KNTC1: variants seen among roughly 807,000 people sequenced by gnomAD.
KNTC1 encodes the protein kinetochore-associated protein 1.
In KNTC1, 253 loss-of-function variants were observed where a neutral mutation model predicts 314.4. The ratio of observed to expected loss-of-function variants is 0.80; its 90% CI spans 0.73 to 0.89. The LOEUF is 0.89. Ranked by LOEUF, KNTC1 falls within the 40% of genes least tolerant of loss-of-function variation. The pLI, the probability that KNTC1 is intolerant of heterozygous loss-of-function variation, is 0.00. For synonymous variants in KNTC1, 901 were observed against 901.4 expected (o/e 1.00, Z 0.01); for missense variants, 2,475 against 2,572.9 (o/e 0.96, Z 0.82).
At position 122,584,283 on chromosome 12, in the gene KNTC1, T is replaced by G; in HGVS notation, c.3269T>G (p.Leu1090Trp). The G allele has an allele frequency of 1.9e-6, 3 of 1,604,538 alleles. No homozygotes were observed. The highest frequency in any genetic ancestry group is 2.6e-6 in the Non-Finnish European group (3 of 1,174,310). ...IKTALKKCSD[L>W]FKYHCNADTG... Reference sequence around the variant, plus strand: ...ATACTTTCTTTCTTCCAAAGCGACTTGTTTAAGTATCACTGCAATGCTGAC... The same window carrying G: ...ATACTTTCTTTCTTCCAAAGCGACTGGTTTAAGTATCACTGCAATGCTGAC... The change falls in exon 35 of 64, where the codon TTG (leucine) becomes TGG (tryptophan). Residue 1090 changes from leucine to tryptophan, a missense_variant. By Grantham distance (61) the Leu-to-Trp change is moderately conservative. Coordinates refer to ENST00000333479, the MANE Select transcript of KNTC1 (RefSeq NM_014708.6).
intron 34 of KNTC1, among the ~76,000 whole-genome samples, chr12:122,583,938 CAT>C (rs1448769660): frequency 6.6e-6 from 1 of 152,128 alleles, no homozygotes; most frequent in Non-Finnish European, 1.5e-5. Context: ...GCCTGGGCAA[CAT>C]AGTGAGAGCT....
chr12:122,581,092 C>T (rs1173650103), intron 33 of KNTC1, among the ~76,000 whole-genome samples: 5 of 150,416 alleles, frequency 3.3e-5, no homozygotes, highest in Admixed American at 2.6e-4. Flanking sequence ...TTTTCCTTCT[C>T]TCTCTCTCTC....
chr12:122,587,118 T>C (rs1031289088), intron 38 of KNTC1, among the ~76,000 whole-genome samples: 2 of 152,150 alleles, frequency 1.3e-5, no homozygotes, highest in Non-Finnish European at 2.9e-5. Context: ...CGTCTGGCCT[T>C]AAGATTTCTT....
chr12:122,604,842 G>GT (rs764241076), intron 49 of KNTC1, 35 bp from the exon 50 acceptor site: 11 of 1,561,486 alleles, frequency 7.0e-6, no homozygotes, highest in Non-Finnish European at 9.6e-6. Flanking sequence ...GGCTTACAAA[G>GT]TAAGATTTTC....
At chr12:122,541,602 CCCAAAGTGTT>C (rs766148796) in intron 5 of KNTC1, among the ~76,000 whole-genome samples, 3 of 151,808 alleles carry the variant, frequency 2.0e-5, no homozygotes, top group Non-Finnish European at 4.4e-5. Flanking sequence ...GCCTTGGCCT[CCCAAAGTGTT>C]GGCATTACAG....
At chr12:122,591,505 A>T in intron 42 of KNTC1, 52 bp downstream of exon 42, 1 of 943,110 alleles carries the variant, frequency 1.1e-6, no homozygotes. Flanking sequence ...CCCGGTTGGA[A>T]AATTTAAAAC....
At chr12:122,547,815 G>A (rs1024682816) in intron 11 of KNTC1, 100 bp from the exon 12 acceptor site, 12 of 677,928 alleles carry the variant, frequency 1.8e-5, no homozygotes, top group Non-Finnish European at 2.4e-5. Flanking sequence ...TTTATATCTT[G>A]TAATTGGCAA....
chr12:122,610,985 T>C, intron 53 of KNTC1, 85 bp downstream of exon 53: 1 of 940,648 alleles, frequency 1.1e-6, no homozygotes, highest in Non-Finnish European at 1.7e-6. Context: ...CTTGATTGCA[T>C]TAACAGATGA....
intron 48 of KNTC1, among the ~76,000 whole-genome samples, chr12:122,604,266 C>T (rs1351414467): frequency 1.3e-5 from 2 of 150,100 alleles, no homozygotes; most frequent in African/African-American, 4.9e-5. Context: ...TCTGCCTCAG[C>T]CTCTCGAGTA....
chr12:122,616,367 A>G (rs138753072), intron 57 of KNTC1, among the ~76,000 whole-genome samples: 2 of 150,376 alleles, frequency 1.3e-5, no homozygotes, highest in African/African-American at 4.9e-5. Flanking sequence ...GGTTCACGCT[A>G]TTCTCCTGCC....
intron 12 of KNTC1, among the ~76,000 whole-genome samples, chr12:122,549,307 T>C: frequency 6.6e-6 from 1 of 152,184 alleles, no homozygotes; most frequent in East Asian, 1.9e-4. Context: ...TCCGCCTGCC[T>C]CGGCCTCCCA....
At chr12:122,578,108 A>G (rs181607315) in intron 31 of KNTC1, among the ~76,000 whole-genome samples, 7 of 152,332 alleles carry the variant, frequency 4.6e-5, no homozygotes, top group Admixed American at 4.6e-4. Context: ...GGACATAATT[A>G]TTGTCAAATA....
rs748916698 is a variant in KNTC1 at position 122,534,659 on chromosome 12, C to T, written c.130-5C>T. ...GAATTTTCATCATGCTTTTCTCTCC[C>T]ACAGGCCTCATTAAATCCAAAGATA... On this transcript the variant is annotated splice_region_variant and splice_polypyrimidine_tract_variant and intron_variant, in intron 2 of 63. Transcript: ENST00000333479. The T allele has an allele frequency of 1.7e-5, 28 of 1,603,476 alleles. No individual in the cohort carries two copies. The South Asian group carries it at 2.9e-4, about 17-fold the overall frequency.
chr12:122,601,854 A>C (rs945858001), intron 45 of KNTC1: 63 of 356,448 alleles, frequency 1.8e-4, no homozygotes, highest in Non-Finnish European at 2.8e-4. Flanking sequence ...TTTTGAGGTG[A>C]TTTAAATAAC....
At chr12:122,615,673 A>G (rs528505590) in intron 57 of KNTC1, 147 bp downstream of exon 57, 449 of 704,230 alleles carry the variant, frequency 6.4e-4, no homozygotes, top group South Asian at 2.6e-3. Context: ...TGTAACCCCA[A>G]CGCTTTGGGA....
At chr12:122,585,557 C>T in intron 36 of KNTC1, 79 bp from the exon 37 acceptor site, 1 of 1,463,560 alleles carries the variant, frequency 6.8e-7, no homozygotes, top group Admixed American at 2.1e-5. Flanking sequence ...AATGAAATTT[C>T]TATAAGCCAT....
Position 122,604,857 on chromosome 12 carries a change from T to G in KNTC1, c.5176-20T>G. The G allele has an allele frequency of 2.5e-6, 4 of 1,578,180 alleles. No individual in the cohort carries two copies. Among genetic ancestry groups the G allele is most frequent in the Non-Finnish European group, 3.4e-6 (4 of 1,161,132 alleles). ...GGCTTACAAAGTAAGATTTTCTTTT[T>G]GCTTGGAATTGTTTAAAAGGACGAA... On this transcript the variant is annotated intron_variant, in intron 49 of 63. Transcript: ENST00000333479.
In KNTC1 at chr12:122,541,964, G is replaced by A. The variant is rs112539586; in HGVS notation, c.446-86G>A. 6,500 of 1,328,698 alleles carry A rather than the reference G, an allele frequency of 4.9e-3. 198 individuals carry two copies. The African/African-American group carries it at 0.074, about 15-fold the overall frequency. 82.3% of individuals were successfully genotyped at this position (1,328,698 alleles called of 1,614,324 possible). A position where few individuals can be genotyped will look rare whatever the true frequency, so the allele number is the denominator to read the frequency against. ...CTAGAGGCGGAGGTTGCAGGGAGCC[G>A]AGATCGCGCTGCTGCACTCCAGCCT... On this transcript the variant is annotated intron_variant, in intron 5 of 63. Transcript: ENST00000333479.
intron 6 of KNTC1, among the ~76,000 whole-genome samples, chr12:122,543,372 T>C (rs1027198329): frequency 7.2e-5 from 11 of 152,154 alleles, no homozygotes; most frequent in Non-Finnish European, 4.4e-5. Context: ...AGGGAGAAGA[T>C]CCCCTTAGTA....
Sources: gnomAD v4.1 joint callset for allele counts (sites outside exome capture counted in the v4.1 genomes callset) on GRCh38, gnomAD v4.1.1 for gene constraint, MANE v1.5 for transcripts, NCBI Gene and HGNC (gene_info 2026-07-23, HGNC 2026-07-21) for gene names.